COL4A6: variants seen among roughly 807,000 people sequenced by gnomAD.
COL4A6 encodes collagen alpha-6(IV) chain.
Under a neutral mutation model 126.7 loss-of-function variants are expected in COL4A6, and 59 were observed. That is an observed-to-expected ratio of 0.47 (90% CI 0.38 to 0.58). The LOEUF is 0.58. Among genes scored for constraint, COL4A6 ranks in the 20% least tolerant of loss-of-function variants. The probability of loss-of-function intolerance (pLI) is 0.00; values close to 1 mark genes in which losing one functional copy is unlikely to be tolerated. For synonymous variants in COL4A6, 547 were observed against 496.6 expected (o/e 1.10, Z -1.35); for missense variants, 1,285 against 1,337.3 (o/e 0.96, Z 0.61).
At chrX:108,401,610 C>T (rs1430657757) in intron 2 of COL4A6, among the ~76,000 whole-genome samples, 4 of 110,736 alleles carry the variant, frequency 3.6e-5, no homozygotes, top group Admixed American at 9.6e-5. Context: ...TCTTACTTTT[C>T]TTCCTTATTC....
At chrX:108,165,336 G>A (rs1165243960) in intron 38 of COL4A6, 34 bp downstream of exon 38, 1 of 1,111,610 alleles carries the variant, frequency 9.0e-7, no homozygotes, top group South Asian at 1.8e-5. Flanking sequence ...ACAAAAGGTG[G>A]TGGCTAGCCC....
intron 41 of COL4A6, among the ~76,000 whole-genome samples, chrX:108,162,667 C>G (rs2033998038): frequency 1.8e-5 from 2 of 111,390 alleles, no homozygotes; most frequent in African/African-American, 6.5e-5. Flanking sequence ...TCTGGAGTAG[C>G]AACCTTGCTC....
At chrX:108,306,387 G>A (rs1171256567) in intron 3 of COL4A6, among the ~76,000 whole-genome samples, 1 of 111,578 alleles carries the variant, frequency 9.0e-6, no homozygotes, top group Non-Finnish European at 1.9e-5. Context: ...TAAAATATGA[G>A]CTTTCATGTT....
intron 2 of COL4A6, among the ~76,000 whole-genome samples, chrX:108,428,670 A>G (rs944683545): frequency 9.0e-6 from 1 of 111,113 alleles, no homozygotes. Context: ...TGACCCCCGA[A>G]CCTAAAATAA....
intron 2 of COL4A6, among the ~76,000 whole-genome samples, chrX:108,425,229 G>C (rs2064054982): frequency 9.3e-6 from 1 of 107,867 alleles, no homozygotes; most frequent in Non-Finnish European, 1.9e-5. Flanking sequence ...GAGAGACAGA[G>C]AGACAGAGAG....
intron 41 of COL4A6, among the ~76,000 whole-genome samples, chrX:108,162,065 C>T (rs1021272181): frequency 1.8e-5 from 2 of 112,228 alleles, no homozygotes; most frequent in South Asian, 3.7e-4. Flanking sequence ...ATGAGGACAC[C>T]GAGGCTGGGC....
At chrX:108,384,171 C>T (rs768093970) in intron 2 of COL4A6, among the ~76,000 whole-genome samples, 1 of 111,496 alleles carries the variant, frequency 9.0e-6, no homozygotes, top group South Asian at 3.9e-4. Flanking sequence ...ATACTTTTAA[C>T]CACTTAGCCA....
At position 108,161,642 on chromosome X, in the gene COL4A6, A is replaced by G; in HGVS notation, c.4310T>C (p.Leu1437Pro). 1.7e-6 allele frequency: 2 copies of G among 1,151,532 alleles called. No homozygotes were observed. The highest frequency in any genetic ancestry group is 2.3e-6 in the Non-Finnish European group (2 of 868,175). 94.9% of individuals were successfully genotyped at this position (1,151,532 alleles called of 1,213,427 possible). ...ACCTTCAAATCCTGGAGGGCCTTGC[A>G]GTCCAGGCAGACCAGGATCACCAAG... is the stretch of plus-strand genomic sequence containing the variant. Reference protein sequence around the residue: ...GALGDPGLPGLQGPPGFEGAP... With the variant: ...GALGDPGLPGPQGPPGFEGAP... Residue 1437 changes from leucine to proline, a missense_variant, in exon 42 of 45, where the codon CTG (leucine) becomes CCG (proline). Leu to Pro is a moderately conservative substitution (Grantham distance 98, BLOSUM62 -3). Transcript: ENST00000334504.
intron 2 of COL4A6, among the ~76,000 whole-genome samples, chrX:108,343,727 T>A (rs1466505562): frequency 4.6e-5 from 5 of 109,227 alleles, no homozygotes; most frequent in Admixed American, 3.9e-4. Flanking sequence ...AAAATTTTGG[T>A]TTTTCCCTTC....
At chrX:108,176,655 GA>G (rs1406595278) in intron 28 of COL4A6, among the ~76,000 whole-genome samples, 185 bp downstream of exon 28, 2 of 112,306 alleles carry the variant, frequency 1.8e-5, no homozygotes, top group African/African-American at 3.2e-5. Flanking sequence ...AGCAGGCAGT[GA>G]GGGTGACTCA....
At chrX:108,199,034 T>TA (rs1211420111) in intron 13 of COL4A6, among the ~76,000 whole-genome samples, 2 of 111,216 alleles carry the variant, frequency 1.8e-5, no homozygotes, top group East Asian at 2.8e-4. Context: ...GACAATGGGA[T>TA]AAAATGTGTG....
intron 4 of COL4A6, 185 bp downstream of exon 4, chrX:108,221,055 G>C (rs760148253): frequency 1.8e-6 from 1 of 551,792 alleles, no homozygotes; most frequent in African/African-American, 2.3e-5. Context: ...CCGAGATCAC[G>C]CCATTGTACT....
chrX:108,372,732 G>A (rs2040355881), intron 2 of COL4A6, among the ~76,000 whole-genome samples: 1 of 112,149 alleles, frequency 8.9e-6, no homozygotes, highest in Non-Finnish European at 1.9e-5. Context: ...CCAGGCAAAC[G>A]AGGGCTACAG....
At chrX:108,293,986 A>G (rs2038244700) in intron 3 of COL4A6, among the ~76,000 whole-genome samples, 1 of 112,307 alleles carries the variant, frequency 8.9e-6, no homozygotes, top group African/African-American at 3.2e-5. Flanking sequence ...CAAGTACTCT[A>G]TAATTCCACA....
chrX:108,205,118 C>G (rs1454186051), intron 11 of COL4A6, among the ~76,000 whole-genome samples: 1 of 110,003 alleles, frequency 9.1e-6, no homozygotes, highest in Non-Finnish European at 1.9e-5. Flanking sequence ...ACAGAATACA[C>G]AAAACACCAA....
intron 2 of COL4A6, among the ~76,000 whole-genome samples, chrX:108,422,583 T>A (rs1036274494): frequency 3.6e-5 from 4 of 111,112 alleles, no homozygotes; most frequent in Non-Finnish European, 5.7e-5. Flanking sequence ...TATAGAGAGA[T>A]CCTTTGAAAT....
intron 23 of COL4A6, 37 bp downstream of exon 23, chrX:108,187,059 A>T (rs1602752125): frequency 4.6e-6 from 5 of 1,081,669 alleles, no homozygotes; most frequent in Non-Finnish European, 6.1e-6. Context: ...AAGGGGTCAA[A>T]TTTCCAAGTC....
At chrX:108,242,207 T>C (rs1215438966) in intron 3 of COL4A6, among the ~76,000 whole-genome samples, 2 of 111,267 alleles carry the variant, frequency 1.8e-5, no homozygotes, top group African/African-American at 3.3e-5. Context: ...TTTAATAAAA[T>C]GCACTGAAAT....
intron 2 of COL4A6, among the ~76,000 whole-genome samples, chrX:108,408,335 GAGAAAGAA>G (rs60742058): frequency 0.068 from 6,836 of 100,785 alleles, 512 homozygotes; most frequent in African/African-American, 0.2. Flanking sequence ...AAAAGAAAGA[GAGAAAGAA>G]AGAAAGAAAG....
Sources: allele counts gnomAD v4.1 joint callset (sites outside exome capture counted in the v4.1 genomes callset), GRCh38; gene constraint gnomAD v4.1.1; transcripts MANE v1.5; gene names NCBI Gene and HGNC (gene_info 2026-07-23, HGNC 2026-07-21).